Variants in BLNK observed in about 807,000 individuals in gnomAD.
BLNK encodes the protein B cell linker.
BLNK carries 29 observed loss-of-function variants against 73.5 expected under a neutral mutation model. The observed-to-expected ratio is 0.39, with a 90% CI of 0.29 to 0.54. The LOEUF is 0.54. Among genes scored for constraint, BLNK ranks in the 20% least tolerant of loss-of-function variants. The pLI is 0.61. For missense variants in BLNK, 460 were observed against 562.8 expected (o/e 0.82, Z 1.85); for synonymous variants, 176 against 200.8 (o/e 0.88, Z 1.04).
At chr10:96,210,034 T>C (rs2083911621) in intron 8 of BLNK, 127 bp from the exon 9 acceptor site, 2 of 939,522 alleles carry the variant, frequency 2.1e-6, no homozygotes, top group African/African-American at 1.6e-5. Context: ...GTTAAGCACA[T>C]ATAGGTAGTT....
At chr10:96,262,583 G>A (rs527338041) in intron 1 of BLNK, among the ~76,000 whole-genome samples, 2 of 152,246 alleles carry the variant, frequency 1.3e-5, no homozygotes, top group South Asian at 2.1e-4. Flanking sequence ...CACCTTCCAA[G>A]GGCACCTCTT....
intron 8 of BLNK, among the ~76,000 whole-genome samples, chr10:96,212,380 T>C (rs2083968636): frequency 6.6e-6 from 1 of 152,162 alleles, no homozygotes; most frequent in African/African-American, 2.4e-5. Context: ...ATTTTATGAG[T>C]GCAAGTCATC....
At chr10:96,243,670 C>G (rs952880602) in intron 2 of BLNK, among the ~76,000 whole-genome samples, 2 of 152,144 alleles carry the variant, frequency 1.3e-5, no homozygotes, top group Admixed American at 6.5e-5. Flanking sequence ...AGTAAAGGTG[C>G]TTTAGTACCT....
intron 15 of BLNK, chr10:96,199,628 T>A: frequency 2.3e-6 from 1 of 428,552 alleles, no homozygotes; most frequent in South Asian, 1.7e-5. Flanking sequence ...AGGAAAAAGA[T>A]CCTTGTATCT....
rs188647770 is a variant in BLNK, at chr10:96,232,868, G to T, written c.164-2034C>A. Among the ~76,000 whole-genome samples the T allele has an allele frequency of 2.7e-3, 412 of 150,066 alleles. 2 individuals carry two copies. The highest frequency in any genetic ancestry group is 8.4e-3 in the African/African-American group (341 of 40,782). Reference sequence around the variant, plus strand: ...CTCACTGTGTTGCCCAGGTGGGAGTGCAGTGGCACAATCATGGCTTACTGC... The same window carrying T: ...CTCACTGTGTTGCCCAGGTGGGAGTTCAGTGGCACAATCATGGCTTACTGC... On this transcript the variant is annotated intron_variant, in intron 3 of 16. Coordinates refer to ENST00000224337, the MANE Select transcript of BLNK (RefSeq NM_013314.4).
intron 2 of BLNK, among the ~76,000 whole-genome samples, chr10:96,244,778 G>A (rs1184496823): frequency 6.6e-6 from 1 of 152,166 alleles, no homozygotes. Context: ...GTATGAAACA[G>A]AGGCTGTTAT....
intron 3 of BLNK, 95 bp from the exon 4 acceptor site, chr10:96,230,929 C>T: frequency 7.6e-7 from 1 of 1,324,086 alleles, no homozygotes; most frequent in Non-Finnish European, 1.1e-6. Flanking sequence ...CCTTCCCTTC[C>T]CTTTGGGCTT....
At chr10:96,233,900 A>G (rs1842601312) in intron 3 of BLNK, among the ~76,000 whole-genome samples, 1 of 152,270 alleles carries the variant, frequency 6.6e-6, no homozygotes, top group African/African-American at 2.4e-5. Context: ...AAACAAAGGA[A>G]CATTAGGATA....
chr10:96,208,132 C>T (rs2083865738), intron 9 of BLNK, among the ~76,000 whole-genome samples: 1 of 152,118 alleles, frequency 6.6e-6, no homozygotes, highest in East Asian at 1.9e-4. Context: ...TAAAGTAGGG[C>T]ACCAGTCCGG....
At chr10:96,232,526 G>A (rs2134049477) in intron 3 of BLNK, among the ~76,000 whole-genome samples, 1 of 152,338 alleles carries the variant, frequency 6.6e-6, no homozygotes, top group South Asian at 2.1e-4. Context: ...GAAGGATACT[G>A]TGGGATCGGA....
chr10:96,271,309 A>C (rs782660476), intron 1 of BLNK, 43 bp downstream of exon 1: 1 of 1,603,258 alleles, frequency 6.2e-7, no homozygotes, highest in South Asian at 1.1e-5. Flanking sequence ...ACTGGGGGGA[A>C]AAAAAGGAGA....
intron 1 of BLNK, among the ~76,000 whole-genome samples, chr10:96,259,571 C>T (rs1463320021): frequency 6.6e-6 from 1 of 150,998 alleles, no homozygotes; most frequent in African/African-American, 2.4e-5. Flanking sequence ...GCTGTGTTCC[C>T]TTACACACAA....
At chr10:96,241,017 C>T (rs1842865759) in intron 3 of BLNK, among the ~76,000 whole-genome samples, 1 of 152,178 alleles carries the variant, frequency 6.6e-6, no homozygotes, top group Admixed American at 6.5e-5. Context: ...ACTGGCATCC[C>T]CTGACCAACT....
chr10:96,209,743 A>G (rs2083903997), intron 9 of BLNK, 95 bp downstream of exon 9: 1 of 1,463,496 alleles, frequency 6.8e-7, no homozygotes, highest in Non-Finnish European at 9.6e-7. Flanking sequence ...GCAGCCTGCC[A>G]TGGGGAGAAC....
At chr10:96,254,387 G>A (rs553180313) in intron 1 of BLNK, among the ~76,000 whole-genome samples, 12 of 152,282 alleles carry the variant, frequency 7.9e-5, no homozygotes, top group East Asian at 3.9e-4. Flanking sequence ...AATACAAGTC[G>A]GGCACAGTGA....
intron 16 of BLNK, 148 bp from the exon 17 acceptor site, chr10:96,192,240 C>G: frequency 8.9e-7 from 1 of 1,121,308 alleles, no homozygotes. Context: ...TTAACAAAGG[C>G]TGTAACCTTC....
chr10:96,228,141 C>T (rs144455502), intron 4 of BLNK, among the ~76,000 whole-genome samples: 19,592 of 149,008 alleles, frequency 0.13, 1,761 homozygotes, highest in East Asian at 0.4. Context: ...ACTCTGTTGC[C>T]CAGACTGGAG....
rs782557035 is a variant in BLNK, at chr10:96,227,397, C to A, written c.361+13G>T. The A allele has an allele frequency of 3.1e-6, 5 of 1,612,672 alleles. No homozygotes were observed. The highest frequency in any genetic ancestry group is 4.2e-6 in the Non-Finnish European group (5 of 1,179,852). ...CTGGAAGGCCGAGTGCCCAGGTCTG[C>A]GGGGGACCTCACCTATATACTCGCC... On this transcript the variant is annotated intron_variant, in intron 5 of 16. Coordinates refer to ENST00000224337, the MANE Select transcript of BLNK (RefSeq NM_013314.4).
At chr10:96,237,890 C>T (rs151267397) in intron 3 of BLNK, among the ~76,000 whole-genome samples, 2 of 152,238 alleles carry the variant, frequency 1.3e-5, no homozygotes, top group East Asian at 1.9e-4. Context: ...TCTGCAAAAC[C>T]GAGATCGTAA....
Sources: allele counts gnomAD v4.1 joint callset (sites outside exome capture counted in the v4.1 genomes callset), GRCh38; gene constraint gnomAD v4.1.1; transcripts MANE v1.5; gene names NCBI Gene and HGNC (gene_info 2026-07-23, HGNC 2026-07-21).